SMPD3: variants seen among roughly 807,000 people sequenced by gnomAD.
SMPD3 encodes the protein sphingomyelin phosphodiesterase 3, also known as nSMase-2.
Under a neutral mutation model 55.7 loss-of-function variants are expected in SMPD3, and 21 were observed. That is an observed-to-expected ratio of 0.38 (90% CI 0.27 to 0.54). SMPD3 has a LOEUF of 0.54. Ranked by LOEUF, SMPD3 falls within the 20% of genes least tolerant of loss-of-function variation. SMPD3 has a pLI of 0.80. For synonymous variants in SMPD3, 457 were observed against 404.3 expected, an observed-to-expected ratio of 1.13 and a Z score of -1.56; for missense variants, 842 against 899.6, an observed-to-expected ratio of 0.94 and a Z score of 0.82.
chr16:68,371,915 C>T lies in SMPD3; in HGVS notation c.267G>A (p.Gln89=). Residue 89 remains glutamine, a synonymous_variant, in exon 3 of 9, where the codon CAG becomes CAA. Coordinates refer to ENST00000219334, the MANE Select transcript of SMPD3 (RefSeq NM_018667.4). ...FLGFLFWSPL[Q]SARRPYIYSR... ...AATAGATGTAGGGCCGGCGGGCCGA[C>T]TGCAGTGGGGACCAGAAGAGAAAGC... 6.2e-7 allele frequency: 1 copy of T among 1,611,228 alleles called. No homozygotes were observed. The highest frequency in any genetic ancestry group is 8.5e-7 in the Non-Finnish European group (1 of 1,179,526).
chr16:68,413,697 C>T (rs2090319028), intron 1 of SMPD3, among the ~76,000 whole-genome samples: 1 of 152,176 alleles, frequency 6.6e-6, no homozygotes, highest in African/African-American at 2.4e-5. Context: ...GGAAACAGCT[C>T]ATAATAATCC....
chr16:68,375,082 A>C (rs1420295680), intron 2 of SMPD3, among the ~76,000 whole-genome samples: 2 of 152,142 alleles, frequency 1.3e-5, no homozygotes, highest in Non-Finnish European at 2.9e-5. Flanking sequence ...CAGCCTGGCC[A>C]GCACCATCCT....
intron 1 of SMPD3, among the ~76,000 whole-genome samples, chr16:68,394,715 A>C (rs192384357): frequency 1.3e-5 from 2 of 152,364 alleles, no homozygotes; most frequent in African/African-American, 4.8e-5. Flanking sequence ...CTTGTTCCCC[A>C]AAAGATTTAA....
chr16:68,428,936 T>C (rs1411593981), intron 1 of SMPD3, among the ~76,000 whole-genome samples: 5 of 152,316 alleles, frequency 3.3e-5, no homozygotes, highest in Admixed American at 6.5e-5. Flanking sequence ...ATGGTGACTG[T>C]GGTCAGAGCA....
chr16:68,371,342 G>T lies in SMPD3; in HGVS notation c.840C>A (p.Pro280=). Residue 280 remains proline (P), a synonymous_variant, in exon 3 of 9, where the codon CCC becomes CCA. Transcript: ENST00000219334. The stretch of plus-strand genomic sequence containing the variant: ...AATCCCCGTCCTGCTGATTATGGTT[G>T]GGCGTCTGGCCCCTTGGGCCCCCGC... The part of the protein sequence containing the change: ...GAGGGPRGQT[P]NHNQQDGDSG... 6.3e-7 allele frequency: 1 copy of T among 1,587,516 alleles called. No homozygotes were observed. The highest frequency in any genetic ancestry group is 1.3e-5 in the African/African-American group (1 of 74,720).
At chr16:68,412,983 C>T (rs934063839) in intron 1 of SMPD3, among the ~76,000 whole-genome samples, 1 of 152,220 alleles carries the variant, frequency 6.6e-6, no homozygotes, top group Non-Finnish European at 1.5e-5. Flanking sequence ...TTATCTATGT[C>T]ATTTTATAGA....
chr16:68,369,809 T>C (rs571429895), intron 3 of SMPD3: 1 of 152,362 alleles, frequency 6.6e-6, no homozygotes, highest in South Asian at 2.1e-4. Context: ...CCATAGGGCT[T>C]GAAGACAAGC....
intron 1 of SMPD3, among the ~76,000 whole-genome samples, chr16:68,416,425 C>T (rs187233751): frequency 7.9e-5 from 12 of 152,350 alleles, no homozygotes; most frequent in East Asian, 5.8e-4. Context: ...TCATTGCCAC[C>T]GCCCAGCTGG....
chr16:68,361,416 G>A (rs1347533837), intron 8 of SMPD3, 109 bp from the exon 9 acceptor site: 4 of 1,376,124 alleles, frequency 2.9e-6, no homozygotes, highest in African/African-American at 2.9e-5. Flanking sequence ...GGGTGGGCTG[G>A]GACCTTCCTG....
chr16:68,440,890 A>T (rs1471140044), intron 1 of SMPD3, among the ~76,000 whole-genome samples: 1 of 152,240 alleles, frequency 6.6e-6, no homozygotes, highest in Non-Finnish European at 1.5e-5. Flanking sequence ...CATTAGCTGA[A>T]GTCAAGACCT....
At chr16:68,399,513 C>T (rs894673756) in intron 1 of SMPD3, among the ~76,000 whole-genome samples, 3 of 152,178 alleles carry the variant, frequency 2.0e-5, no homozygotes, top group African/African-American at 7.2e-5. Flanking sequence ...AAGTAGGGAC[C>T]CCTTCTAGGC....
chr16:68,370,798 T>C (rs1335798423), intron 3 of SMPD3, 61 bp downstream of exon 3: 25 of 1,593,050 alleles, frequency 1.6e-5, no homozygotes, highest in Non-Finnish European at 2.1e-5. Flanking sequence ...GCAGCCCCCC[T>C]GCCTACATGG....
chr16:68,391,526 G>T (rs766798420), intron 1 of SMPD3, among the ~76,000 whole-genome samples: 4 of 152,238 alleles, frequency 2.6e-5, no homozygotes, highest in Non-Finnish European at 4.4e-5. Flanking sequence ...TTGCAAGGCT[G>T]TTGGGAGAAT....
chr16:68,370,750 T>C (rs1799743091), intron 3 of SMPD3, 109 bp downstream of exon 3: 2 of 1,427,830 alleles, frequency 1.4e-6, no homozygotes, highest in African/African-American at 2.9e-5. Context: ...CACTCCAACC[T>C]CCCACTCCAG....
intron 1 of SMPD3, among the ~76,000 whole-genome samples, chr16:68,392,648 G>T (rs1311777521): frequency 6.6e-6 from 1 of 152,006 alleles, no homozygotes; most frequent in Non-Finnish European, 1.5e-5. Context: ...GATCACCTGA[G>T]GCCAAGAGTT....
intron 1 of SMPD3, among the ~76,000 whole-genome samples, chr16:68,414,974 G>T (rs563192120): frequency 6.6e-6 from 1 of 152,250 alleles, no homozygotes; most frequent in Non-Finnish European, 1.5e-5. Flanking sequence ...GCATTGGGTG[G>T]ATGCTGAGGC....
rs1359579696 is a variant in SMPD3, at chr16:68,418,705, C to T, written c.-269+29648G>A. On this transcript the variant is annotated intron_variant, in intron 1 of 8. Coordinates refer to ENST00000219334, the MANE Select transcript of SMPD3 (RefSeq NM_018667.4). ...AACCAGTTTGGATCCCATATGAGAA[C>T]AGGGATGCCCATTTCAAAGGGGAGG... 2.0e-5 allele frequency among the ~76,000 whole-genome samples: 3 copies of T among 152,336 alleles called. 1 individual carries two copies. Among genetic ancestry groups the T allele is most frequent in the Admixed American group, 2.0e-4 (3 of 15,308 alleles).
At chr16:68,361,958 T>A (rs1253932227) in intron 7 of SMPD3, among the ~76,000 whole-genome samples, 199 bp from the exon 8 acceptor site, 2 of 152,166 alleles carry the variant, frequency 1.3e-5, no homozygotes, top group Non-Finnish European at 2.9e-5. Context: ...GGTTCCTGGC[T>A]GAATCTGGGC....
Position 68,364,791 on chromosome 16 carries a change from G to C in SMPD3, c.1515C>G (p.Asp505Glu). ...AANPEELVAF[D>E]VVCGDFNFDN... is the part of the protein sequence containing the mutation. ...CAAAGTTGAAATCTCCACAGACGAC[G>C]TCAAATGCCACCAGCTCCTCGGGGT... The change falls in exon 5 of 9, where the codon GAC becomes GAG. Residue 505 changes from aspartate to glutamate, a missense_variant. Transcript: ENST00000219334. 1 of 1,613,910 alleles carries C rather than the reference G, an allele frequency of 6.2e-7. No individual in the cohort carries two copies. The highest frequency in any genetic ancestry group is 1.1e-5 in the South Asian group (1 of 91,084).
Sources: allele counts gnomAD v4.1 joint callset (sites outside exome capture counted in the v4.1 genomes callset), GRCh38; gene constraint gnomAD v4.1.1; transcripts MANE v1.5; gene names NCBI Gene and HGNC (gene_info 2026-07-23, HGNC 2026-07-21).